The following LMO7 variants were observed in gnomAD, a reference collection of about 807,000 sequenced individuals.
LMO7 encodes the protein LIM domain only protein 7.
In LMO7, 120 loss-of-function variants were observed where a neutral mutation model predicts 206.5. The observed-to-expected ratio is 0.58, with a 90% CI of 0.50 to 0.68. The LOEUF is 0.68. Among genes scored for constraint, LMO7 ranks in the 30% least tolerant of loss-of-function variants. The probability of loss-of-function intolerance (pLI) is 0.00; values close to 1 mark genes in which losing one functional copy is unlikely to be tolerated. For missense variants in LMO7, 1,959 were observed against 1,957.9 expected (o/e 1.00, Z -0.01); for synonymous variants, 706 against 681.5 (o/e 1.04, Z -0.56).
intron 4 of LMO7, among the ~76,000 whole-genome samples, chr13:75,769,641 A>G (rs560082120): frequency 3.9e-5 from 6 of 152,152 alleles, no homozygotes; most frequent in African/African-American, 1.4e-4. Flanking sequence ...CTAAGCTGTT[A>G]AAGGAAAAAG....
intron 4 of LMO7, among the ~76,000 whole-genome samples, chr13:75,780,173 A>G (rs2140287294): frequency 6.6e-6 from 1 of 152,334 alleles, no homozygotes; most frequent in African/African-American, 2.4e-5. Context: ...ATTGTCATTG[A>G]TAAACATCTT....
At chr13:75,740,414 A>ACTCCAGC (rs893780571) in intron 3 of LMO7, among the ~76,000 whole-genome samples, 1 of 152,246 alleles carries the variant, frequency 6.6e-6, no homozygotes, top group African/African-American at 2.4e-5. Context: ...TGATTGCATC[A>ACTCCAGC]CTGCACTCCA....
intron 1 of LMO7, among the ~76,000 whole-genome samples, chr13:75,692,350 CAT>C (rs2041556133): frequency 6.6e-6 from 1 of 151,946 alleles, no homozygotes; most frequent in Non-Finnish European, 1.5e-5. Flanking sequence ...GATTTTTACA[CAT>C]AACCCATAGG....
At chr13:75,694,120 A>G (rs1026700664) in intron 1 of LMO7, among the ~76,000 whole-genome samples, 10 of 152,256 alleles carry the variant, frequency 6.6e-5, no homozygotes, top group Non-Finnish European at 1.3e-4. Context: ...ACCTCAATAA[A>G]GTTTCAATCT....
At chr13:75,709,171 C>G (rs1235855738) in intron 1 of LMO7, among the ~76,000 whole-genome samples, 1 of 152,154 alleles carries the variant, frequency 6.6e-6, no homozygotes, top group Non-Finnish European at 1.5e-5. Flanking sequence ...TGTATATGTG[C>G]CACACTTTCT....
Position 75,823,552 on chromosome 13 carries a change from T to C in LMO7, c.2641-13T>C, listed in dbSNP as rs758329336. On this transcript the variant is annotated splice_polypyrimidine_tract_variant and intron_variant, in intron 14 of 30. Transcript: ENST00000377534. Reference sequence around the variant, plus strand: ...ACAGAATATCAAGTTTAAAATGATGTTTTCTTATTTAGATGGATGATGCTT... The same window carrying C: ...ACAGAATATCAAGTTTAAAATGATGCTTTCTTATTTAGATGGATGATGCTT... 1.2e-5 allele frequency: 19 copies of C among 1,570,822 alleles called. No homozygotes were observed. Among genetic ancestry groups the C allele is most frequent in the Non-Finnish European group, 1.6e-5 (18 of 1,148,086 alleles).
intron 3 of LMO7, among the ~76,000 whole-genome samples, chr13:75,756,963 A>G (rs936413260): frequency 2.0e-5 from 3 of 152,112 alleles, no homozygotes; most frequent in East Asian, 3.9e-4. Flanking sequence ...GTCCCCCAGA[A>G]AGCCCTCCAT....
intron 28 of LMO7, among the ~76,000 whole-genome samples, chr13:75,854,761 C>A (rs1266885665): frequency 6.6e-6 from 1 of 152,134 alleles, no homozygotes; most frequent in African/African-American, 2.4e-5. Flanking sequence ...TTCTCTGTAA[C>A]TAGAAAACTG....
intron 1 of LMO7, among the ~76,000 whole-genome samples, chr13:75,642,036 A>G (rs1038206132): frequency 4.6e-5 from 7 of 152,178 alleles, no homozygotes; most frequent in Admixed American, 3.3e-4. Context: ...AAAGGATCCT[A>G]GAAAAGAGAG....
chr13:75,757,152 GTCCATT>G (rs1426657714), intron 3 of LMO7, among the ~76,000 whole-genome samples: 2 of 152,146 alleles, frequency 1.3e-5, no homozygotes, highest in African/African-American at 4.8e-5. Context: ...CTTTGGAGAT[GTCCATT>G]TGGTAAAGAA....
intron 2 of LMO7, among the ~76,000 whole-genome samples, chr13:75,630,578 G>A (rs1334460086): frequency 2.6e-5 from 4 of 152,174 alleles, no homozygotes; most frequent in Admixed American, 6.5e-5. Context: ...GGAGGCTGAG[G>A]TGGGAGGATC....
At chr13:75,735,742 G>A (rs2045761332) in intron 3 of LMO7, among the ~76,000 whole-genome samples, 1 of 151,460 alleles carries the variant, frequency 6.6e-6, no homozygotes. Context: ...CCAAAGTGCT[G>A]GAATTACAAG....
chr13:75,739,162 G>A (rs550610731), intron 3 of LMO7, among the ~76,000 whole-genome samples: 1 of 152,290 alleles, frequency 6.6e-6, no homozygotes, highest in African/African-American at 2.4e-5. Context: ...CTTTACACAG[G>A]CTCTTTGGCT....
At chr13:75,689,384 A>G (rs1242834324) in intron 1 of LMO7, among the ~76,000 whole-genome samples, 10 of 152,110 alleles carry the variant, frequency 6.6e-5, no homozygotes, top group Non-Finnish European at 1.2e-4. Flanking sequence ...AACTATAGCT[A>G]TTTTCCAAGA....
intron 10 of LMO7, among the ~76,000 whole-genome samples, chr13:75,808,928 G>A (rs146570596): frequency 3.9e-5 from 6 of 152,264 alleles, no homozygotes; most frequent in African/African-American, 1.2e-4. Context: ...ATATGGATTT[G>A]TTAGCTCAGA....
chr13:75,822,427 A>C (rs2057673005), intron 14 of LMO7, among the ~76,000 whole-genome samples: 1 of 152,160 alleles, frequency 6.6e-6, no homozygotes, highest in African/African-American at 2.4e-5. Flanking sequence ...AAAAGACAAT[A>C]TATAGACTCA....
chr13:75,827,892 A>G (rs1292322557), intron 15 of LMO7, among the ~76,000 whole-genome samples: 1 of 152,170 alleles, frequency 6.6e-6, no homozygotes, highest in African/African-American at 2.4e-5. Context: ...CCCCATGATT[A>G]CTGCCCCTTG....
chr13:75,829,432 A>G (rs927747125), intron 15 of LMO7, among the ~76,000 whole-genome samples: 1 of 152,026 alleles, frequency 6.6e-6, no homozygotes, highest in African/African-American at 2.4e-5. Flanking sequence ...GGAAGGAGAG[A>G]TGGATCAGGA....
intron 3 of LMO7, among the ~76,000 whole-genome samples, chr13:75,754,173 G>A (rs950488343): frequency 6.6e-6 from 1 of 152,166 alleles, no homozygotes; most frequent in African/African-American, 2.4e-5. Flanking sequence ...ACATCAAGTG[G>A]TTTCTCCCCA....
Sources: allele counts gnomAD v4.1 joint callset (sites outside exome capture counted in the v4.1 genomes callset), GRCh38; gene constraint gnomAD v4.1.1; transcripts MANE v1.5; gene names NCBI Gene and HGNC (gene_info 2026-07-23, HGNC 2026-07-21).